The following COL4A3 variants were observed in gnomAD, a reference collection of about 807,000 sequenced individuals.
COL4A3 encodes collagen alpha-3(IV) chain.
COL4A3 carries 135 observed loss-of-function variants against 217.4 expected under a neutral mutation model. The observed-to-expected ratio is 0.62, with a 90% confidence interval of 0.54 to 0.72. COL4A3 has a LOEUF of 0.72. COL4A3 is among the 30% of genes least tolerant of loss of function. The pLI, the probability that COL4A3 is intolerant of heterozygous loss-of-function variation, is 0.00. For missense variants in COL4A3, 1,868 were observed against 2,119.9 expected (o/e 0.88, Z 2.33); for synonymous variants, 690 against 736.3 (o/e 0.94, Z 1.02).
At chr2:227,218,090 A>ATATATATATATATATATAGC (rs1416114206) in intron 1 of COL4A3, among the ~76,000 whole-genome samples, 2 of 146,674 alleles carry the variant, frequency 1.4e-5, no homozygotes, top group Non-Finnish European at 3.0e-5. Flanking sequence ...CTATATATAT[A>ATATATATATATATATATAGC]TATATATATA....
At chr2:227,266,954 T>C in intron 22 of COL4A3, 39 bp from the exon 23 acceptor site, 1 of 1,370,488 alleles carries the variant, frequency 7.3e-7, no homozygotes. Context: ...GAGGACTCAA[T>C]GTAGCTTTTT....
intron 51 of COL4A3, 64 bp downstream of exon 51, chr2:227,311,012 T>C: frequency 1.3e-6 from 2 of 1,581,314 alleles, no homozygotes; most frequent in Non-Finnish European, 1.7e-6. Context: ...AGGTTGCCTG[T>C]GTTCTTGGGT....
In COL4A3 at chr2:227,312,208, G is replaced by A; in HGVS notation, c.*338G>A. ...CAAGTTATGAAATATTTGGCCCGCT[G>A]GATTCCCACATTTGTCTTCTTTCTG... is the stretch of plus-strand genomic sequence containing the variant. On this transcript the variant is annotated 3_prime_UTR_variant, in exon 52 of 52. Transcript: ENST00000396578. The A allele has an allele frequency of 3.5e-6, 1 of 283,336 alleles. No individual in the cohort carries two copies. Among genetic ancestry groups the A allele is most frequent in the South Asian group, 3.5e-5 (1 of 28,590 alleles). The allele number at this position is 283,336 out of a possible 1,614,324, so 17.6% of individuals were successfully genotyped here.
chr2:227,295,425 C>A, intron 41 of COL4A3, 109 bp downstream of exon 41: 3 of 920,500 alleles, frequency 3.3e-6, no homozygotes, highest in Non-Finnish European at 5.4e-6. Context: ...AAAGATGTTC[C>A]AATAGTAATA....
intron 8 of COL4A3, 47 bp downstream of exon 8, chr2:227,247,631 T>G: frequency 6.4e-7 from 1 of 1,573,522 alleles, no homozygotes; most frequent in East Asian, 2.2e-5. Context: ...TAACTGTACA[T>G]ATGAAAAGGA....
In COL4A3 at chr2:227,280,609, T is replaced by C; in HGVS notation, c.2374+19T>C. 3 of 1,613,748 alleles carry C rather than the reference T, an allele frequency of 1.9e-6. No homozygotes were observed. The highest frequency in any genetic ancestry group is 2.5e-6 in the Non-Finnish European group (3 of 1,179,736). On this transcript the variant is annotated intron_variant, in intron 30 of 51. Coordinates refer to ENST00000396578, the MANE Select transcript of COL4A3 (RefSeq NM_000091.5). ...CCACGAGGTACAATAGCAAGTGTCA[T>C]TACTTTTCTCCACTGTGAGCTCTGC...
Position 227,295,085 on chromosome 2 carries a change from G to C in COL4A3, c.3517+23G>C, listed in dbSNP as rs900903949. ...CGGGTACAACTTGCTCATTATCTTTGATCCGTTAGTTTTATTTTGGATAGA... is the reference window on the plus strand; with the variant it reads ...CGGGTACAACTTGCTCATTATCTTTCATCCGTTAGTTTTATTTTGGATAGA... On this transcript the variant is annotated intron_variant, in intron 40 of 51. Coordinates refer to ENST00000396578, the MANE Select transcript of COL4A3 (RefSeq NM_000091.5). 4 of 1,601,208 alleles carry C rather than the reference G, an allele frequency of 2.5e-6. No homozygotes were observed. In the African/African-American group the frequency reaches 5.4e-5, roughly 21 times the overall value.
intron 4 of COL4A3, 124 bp from the exon 5 acceptor site, chr2:227,244,827 G>C: frequency 1.0e-6 from 1 of 988,472 alleles, no homozygotes; most frequent in Non-Finnish European, 1.6e-6. Context: ...CAATCGTTTC[G>C]AGCTATTCCC....
At position 227,247,377 on chromosome 2, in the gene COL4A3, C is replaced by T. The variant is rs111715526; in HGVS notation, c.442-181C>T. ...CAAAATGGGAAGTTCACAGGTGAGA[C>T]GAAGGAGAGACAGGACAATATGGTG... On this transcript the variant is annotated intron_variant, in intron 7 of 51. Transcript: ENST00000396578. 0.02 allele frequency among the ~76,000 whole-genome samples: 2,989 copies of T among 152,042 alleles called. 94 individuals carry two copies. Among genetic ancestry groups the T allele is most frequent in the African/African-American group, 0.069 (2,841 of 41,456 alleles).
chr2:227,272,416 G>A (rs181715102), intron 25 of COL4A3, among the ~76,000 whole-genome samples: 4 of 152,332 alleles, frequency 2.6e-5, no homozygotes, highest in African/African-American at 9.6e-5. Flanking sequence ...TGGGAAGGAA[G>A]AGGGCTTAAA....
At chr2:227,266,300 A>T (rs2070885081) in intron 21 of COL4A3, 117 bp from the exon 22 acceptor site, 1 of 805,626 alleles carries the variant, frequency 1.2e-6, no homozygotes, top group Non-Finnish European at 2.1e-6. Flanking sequence ...ACTTCTAAAG[A>T]CTAGGCTTCC....
At chr2:227,248,383 C>T in intron 8 of COL4A3, 60 bp from the exon 9 acceptor site, 1 of 1,020,614 alleles carries the variant, frequency 9.8e-7, no homozygotes. Flanking sequence ...TGAATAAGCA[C>T]TTGAAGGGGT....
intron 8 of COL4A3, 70 bp from the exon 9 acceptor site, chr2:227,248,373 T>C (rs773350204): frequency 2.3e-5 from 21 of 913,918 alleles, no homozygotes; most frequent in Non-Finnish European, 5.5e-6. Flanking sequence ...AATATAACTT[T>C]GAATAAGCAC....
Position 227,254,689 on chromosome 2 carries a change from G to C in COL4A3, c.862G>C (p.Gly288Arg). 1 of 1,613,556 alleles carries C rather than the reference G, an allele frequency of 6.2e-7. No homozygotes were observed. Among genetic ancestry groups the C allele is most frequent in the East Asian group, 2.2e-5 (1 of 44,858 alleles). ...LPGESYGSEK[G>R]APGDPGLQGK... ...TGGAGAATCATATGGATCTGAAAAG[G>C]GTGCTCCTGGAGACCCTGGCCTGCA... Residue 288 changes from glycine to arginine, a missense_variant, in exon 15 of 52, where the codon GGT becomes CGT. Around this residue, in one of 2 missense-constraint regions of COL4A3, gnomAD observed 1,503 missense variants for 1,786.1 expected, o/e 0.84. Transcript: ENST00000396578.
chr2:227,169,868 T>C (rs899092580), intron 1 of COL4A3, among the ~76,000 whole-genome samples: 6 of 152,294 alleles, frequency 3.9e-5, no homozygotes, highest in African/African-American at 1.4e-4. Context: ...TGGTCCAATA[T>C]TTTTTTGTCC....
At chr2:227,266,597 C>A (rs1176887407) in intron 22 of COL4A3, 88 bp downstream of exon 22, 2 of 960,132 alleles carry the variant, frequency 2.1e-6, no homozygotes, top group East Asian at 2.6e-5. Flanking sequence ...TAACAATGAT[C>A]CCAAATAGCT....
intron 39 of COL4A3, 27 bp downstream of exon 39, chr2:227,294,597 C>A: frequency 6.7e-7 from 1 of 1,486,354 alleles, no homozygotes; most frequent in South Asian, 1.1e-5. Flanking sequence ...TTCTCTTTTT[C>A]CTTTTCATGT....
intron 1 of COL4A3, among the ~76,000 whole-genome samples, chr2:227,182,431 T>C (rs2065891611): frequency 4.6e-5 from 7 of 152,210 alleles, no homozygotes; most frequent in Admixed American, 4.6e-4. Context: ...CAATGTCCTG[T>C]TTTTCTAGAC....
At chr2:227,234,540 C>A (rs2068584871) in intron 1 of COL4A3, among the ~76,000 whole-genome samples, 1 of 152,204 alleles carries the variant, frequency 6.6e-6, no homozygotes. Flanking sequence ...AACCAGCTGT[C>A]CATCCACTGA....
Sources: gnomAD v4.1 joint callset for allele counts (sites outside exome capture counted in the v4.1 genomes callset) on GRCh38, gnomAD v4.1.1 for gene constraint, gnomAD v4.1.1 regional missense constraint, MANE v1.5 for transcripts, NCBI Gene and HGNC (gene_info 2026-07-23, HGNC 2026-07-21) for gene names.